The following SYNPO2 variants were observed in gnomAD, a reference collection of about 807,000 sequenced individuals.
SYNPO2 encodes the protein synaptopodin-2.
In SYNPO2, 56 loss-of-function variants were observed where a neutral mutation model predicts 85.0. The observed-to-expected ratio is 0.66, with a 90% CI of 0.53 to 0.82. SYNPO2 has a LOEUF of 0.82. SYNPO2 is among the 40% of genes least tolerant of loss of function. The pLI is 0.00. For missense variants in SYNPO2, 1,575 were observed against 1,534.2 expected, an observed-to-expected ratio of 1.03 and a Z score of -0.44; for synonymous variants, 602 against 591.1, an observed-to-expected ratio of 1.02 and a Z score of -0.27.
At chr4:118,963,304 T>C (rs1043826870) in intron 1 of SYNPO2, among the ~76,000 whole-genome samples, 2 of 152,192 alleles carry the variant, frequency 1.3e-5, no homozygotes, top group African/African-American at 4.8e-5. Flanking sequence ...ATTTGTAATT[T>C]CAAAGGTGGG....
intron 1 of SYNPO2, among the ~76,000 whole-genome samples, chr4:118,970,806 T>A (rs1735511653): frequency 6.6e-6 from 1 of 152,140 alleles, no homozygotes; most frequent in Non-Finnish European, 1.5e-5. Flanking sequence ...AGAGAAGAAG[T>A]CCTTAGAAGA....
intron 1 of SYNPO2, among the ~76,000 whole-genome samples, chr4:118,861,347 A>C (rs1329066403): frequency 1.3e-5 from 2 of 151,784 alleles, no homozygotes; most frequent in Non-Finnish European, 2.9e-5. Flanking sequence ...TTTTATTTGT[A>C]TTTTTAGTAG....
intron 1 of SYNPO2, among the ~76,000 whole-genome samples, chr4:118,867,461 T>TTCTC (rs1731720153): frequency 2.0e-5 from 3 of 150,834 alleles, no homozygotes; most frequent in Admixed American, 2.0e-4. Context: ...TCCTATTAGT[T>TTCTC]TCTTTCTTTT....
chr4:119,023,023 G>T (rs556199862), intron 1 of SYNPO2, among the ~76,000 whole-genome samples: 5 of 151,954 alleles, frequency 3.3e-5, no homozygotes, highest in Non-Finnish European at 7.4e-5. Context: ...TGATCCACCC[G>T]CCTTGGCCTC....
In SYNPO2 at chr4:118,990,591, G is replaced by A. The variant is rs146398954; in HGVS notation, c.106-32839G>A. Among the ~76,000 whole-genome samples, 314 of 151,900 alleles carry A rather than the reference G, an allele frequency of 2.1e-3. 2 individuals carry two copies. The highest frequency in any genetic ancestry group is 0.015 in the East Asian group (76 of 5,184). ...CAGCAATTCTGAGCAGGGAGGCTAAGCTGGATAATTGGTTTTTGTTTGTTT... is the reference window on the plus strand; with the variant it reads ...CAGCAATTCTGAGCAGGGAGGCTAAACTGGATAATTGGTTTTTGTTTGTTT... On this transcript the variant is annotated intron_variant, in intron 1 of 4. Coordinates refer to ENST00000307142, the MANE Select transcript of SYNPO2 (RefSeq NM_133477.3).
intron 1 of SYNPO2, among the ~76,000 whole-genome samples, chr4:118,907,702 G>T (rs1013399786): frequency 3.9e-5 from 6 of 152,026 alleles, no homozygotes; most frequent in African/African-American, 1.4e-4. Context: ...TTTAATTTTT[G>T]AAATATAAAA....
At chr4:118,908,443 T>A (rs1733015305) in intron 1 of SYNPO2, among the ~76,000 whole-genome samples, 1 of 152,192 alleles carries the variant, frequency 6.6e-6, no homozygotes, top group Non-Finnish European at 1.5e-5. Context: ...CTTTAAAAAT[T>A]GACTTGAAAA....
Position 118,982,397 on chromosome 4 carries a change from T to C in SYNPO2, c.106-41033T>C, listed in dbSNP as rs376811785. ...CTCGGATGCACATAGTTCTTCACCA[T>C]GGACATGTCCCCATTATAACCTCTT... On this transcript the variant is annotated intron_variant, in intron 1 of 4. Transcript: ENST00000307142. Among the ~76,000 whole-genome samples the C allele has an allele frequency of 5.9e-5, 9 of 152,366 alleles. No individual in the cohort carries two copies. The East Asian group carries it at 7.7e-4, about 13-fold the overall frequency.
rs949858137 is a variant in SYNPO2, at chr4:119,026,611, A to G, written c.258-16A>G. ...TAGTCTGATTTAAGTGTCTGGAATG[A>G]TTTTTCTGTGTGCAGACCATCCAGT... On this transcript the variant is annotated splice_polypyrimidine_tract_variant and intron_variant, in intron 2 of 4. Transcript: ENST00000307142. 2.6e-6 allele frequency: 4 copies of G among 1,565,376 alleles called. No individual in the cohort carries two copies. Among genetic ancestry groups the G allele is most frequent in the Non-Finnish European group, 3.5e-6 (4 of 1,158,280 alleles).
intron 1 of SYNPO2, among the ~76,000 whole-genome samples, chr4:119,013,714 G>A (rs1470695838): frequency 6.6e-6 from 1 of 152,194 alleles, no homozygotes; most frequent in Non-Finnish European, 1.5e-5. Context: ...GAGAGTGATT[G>A]TTTGATATTG....
At chr4:118,879,543 A>C (rs948566789) in intron 1 of SYNPO2, among the ~76,000 whole-genome samples, 1 of 152,214 alleles carries the variant, frequency 6.6e-6, no homozygotes, top group Non-Finnish European at 1.5e-5. Context: ...CAAACCAGGA[A>C]GAGGGCACTC....
chr4:118,858,358 G>C (rs1731545727), intron 1 of SYNPO2, among the ~76,000 whole-genome samples: 1 of 152,242 alleles, frequency 6.6e-6, no homozygotes, highest in South Asian at 2.1e-4. Context: ...AAATTAAAGG[G>C]AACTTTCAAC....
upstream of SYNPO2, among the ~76,000 whole-genome samples, chr4:118,888,219 T>C (rs1318478127): frequency 1.3e-5 from 2 of 152,228 alleles, no homozygotes; most frequent in Admixed American, 6.5e-5. Flanking sequence ...GCAATAGATG[T>C]AATTATAAGA....
At chr4:118,898,577 A>AT (rs574340399) in intron 1 of SYNPO2, among the ~76,000 whole-genome samples, 184 of 152,158 alleles carry the variant, frequency 1.2e-3, no homozygotes, top group Middle Eastern at 3.4e-3. Context: ...TCCTACAATC[A>AT]TTTTTTTTAA....
chr4:118,874,175 A>G (rs1731856482), intron 1 of SYNPO2, among the ~76,000 whole-genome samples: 1 of 152,182 alleles, frequency 6.6e-6, no homozygotes, highest in African/African-American at 2.4e-5. Context: ...TTTAAATACT[A>G]CTGTTGCAAC....
At chr4:118,931,433 C>G (rs1733930464) in intron 1 of SYNPO2, among the ~76,000 whole-genome samples, 1 of 152,100 alleles carries the variant, frequency 6.6e-6, no homozygotes. Flanking sequence ...TTAATATTTA[C>G]TGAAAATTAC....
At chr4:119,042,828 C>G (rs931456391) in intron 4 of SYNPO2, 4 of 152,166 alleles carry the variant, frequency 2.6e-5, no homozygotes, top group Non-Finnish European at 5.9e-5. Context: ...GTTTTCAAAA[C>G]TTTGAGGCAC....
At chr4:118,976,841 C>G (rs1006010174) in intron 1 of SYNPO2, among the ~76,000 whole-genome samples, 3 of 152,190 alleles carry the variant, frequency 2.0e-5, no homozygotes, top group Admixed American at 6.5e-5. Flanking sequence ...ACGTCCTCAC[C>G]AGAGCAGCTA....
chr4:118,974,888 T>C (rs1348403684), intron 1 of SYNPO2, among the ~76,000 whole-genome samples: 2 of 152,218 alleles, frequency 1.3e-5, no homozygotes, highest in South Asian at 2.1e-4. Context: ...TGCAGAACTT[T>C]AATGGTTTCC....
Sources: allele counts gnomAD v4.1 joint callset (sites outside exome capture counted in the v4.1 genomes callset), GRCh38; gene constraint gnomAD v4.1.1; transcripts MANE v1.5; gene names NCBI Gene and HGNC (gene_info 2026-07-23, HGNC 2026-07-21).